NTM: variants seen among roughly 807,000 people sequenced by gnomAD.
The protein encoded by NTM is neurotrimin, also known as IgLON family member 2.
NTM carries 13 observed loss-of-function variants against 42.1 expected under a neutral mutation model. The observed-to-expected ratio is 0.31, with a 90% CI of 0.20 to 0.49. The LOEUF (loss-of-function observed/expected upper bound fraction) is 0.49, where lower values mean the gene tolerates loss of function less well. Ranked by LOEUF, NTM falls within the 20% of genes least tolerant of loss-of-function variation. The probability of loss-of-function intolerance (pLI) is 0.99; values close to 1 mark genes in which losing one functional copy is unlikely to be tolerated. For synonymous variants in NTM, 187 were observed against 179.2 expected (o/e 1.04, Z -0.35); for missense variants, 373 against 452.8 (o/e 0.82, Z 1.60).
Position 131,809,430 on chromosome 11 carries a change from C to T in NTM, c.83-102134C>T, listed in dbSNP as rs183432005. Among the ~76,000 whole-genome samples, 3 of 152,292 alleles carry T rather than the reference C, an allele frequency of 2.0e-5. No individual in the cohort carries two copies. The East Asian group carries it at 5.8e-4, about 29-fold the overall frequency. On this transcript the variant is annotated intron_variant, in intron 1 of 8. Transcript: ENST00000683400. Reference sequence around the variant, plus strand: ...GGGATTTGCTGGCATCAGTCCCTGGCCATGCCTCATGGAGCAGCTGATCAC... The same window carrying T: ...GGGATTTGCTGGCATCAGTCCCTGGTCATGCCTCATGGAGCAGCTGATCAC...
chr11:132,331,267 T>C (rs138154788), intron 8 of NTM, among the ~76,000 whole-genome samples: 38 of 152,354 alleles, frequency 2.5e-4, no homozygotes, highest in Non-Finnish European at 4.9e-4. Context: ...TCTCATCTCC[T>C]ACATGAGTGT....
At chr11:131,537,286 C>A (rs2052412779) in intron 1 of NTM, 1 of 152,188 alleles carries the variant, frequency 6.6e-6, no homozygotes, top group Non-Finnish European at 1.5e-5. Context: ...TTGACAACCC[C>A]TGATAAAGAC....
At chr11:132,025,012 A>G (rs1204220428) in intron 2 of NTM, among the ~76,000 whole-genome samples, 6 of 152,124 alleles carry the variant, frequency 3.9e-5, no homozygotes, top group African/African-American at 1.2e-4. Context: ...AGACCCACAG[A>G]ATGTCTCTCC....
chr11:131,599,175 A>G (rs1466662251), intron 1 of NTM, among the ~76,000 whole-genome samples: 1 of 152,014 alleles, frequency 6.6e-6, no homozygotes, highest in Non-Finnish European at 1.5e-5. Flanking sequence ...TCAGCCTCCC[A>G]AAGTTCTGGG....
chr11:132,213,253 G>GTT (rs1184843678), intron 4 of NTM, among the ~76,000 whole-genome samples: 1 of 152,180 alleles, frequency 6.6e-6, no homozygotes, highest in Non-Finnish European at 1.5e-5. Context: ...CCATGGAAGG[G>GTT]AAAAGTGGGA....
intron 1 of NTM, among the ~76,000 whole-genome samples, chr11:131,598,376 TAAC>T (rs1195159299): frequency 6.6e-6 from 1 of 152,208 alleles, no homozygotes; most frequent in African/African-American, 2.4e-5. Flanking sequence ...CAAAACAAGG[TAAC>T]AACAACAAAT....
intron 3 of NTM, among the ~76,000 whole-genome samples, chr11:132,157,206 A>G (rs1310846205): frequency 6.6e-6 from 1 of 152,228 alleles, no homozygotes; most frequent in African/African-American, 2.4e-5. Flanking sequence ...AAATACACTG[A>G]CCTTCAATGT....
intron 1 of NTM, among the ~76,000 whole-genome samples, chr11:131,502,275 G>C (rs996330304): frequency 5.3e-5 from 8 of 151,840 alleles, no homozygotes; most frequent in African/African-American, 1.9e-4. Flanking sequence ...AAGGAGCCTC[G>C]AGAGAGAGAG....
intron 1 of NTM, among the ~76,000 whole-genome samples, chr11:131,687,633 C>T (rs1268807750): frequency 6.6e-6 from 1 of 152,182 alleles, no homozygotes; most frequent in Non-Finnish European, 1.5e-5. Flanking sequence ...CGCCCAAGTG[C>T]CTCGGGTGGG....
chr11:132,317,863 T>C lies in NTM; in HGVS notation c.934+3160T>C, dbSNP rs528845501. Reference sequence around the variant, plus strand: ...CAGGGAGACTTCAAGCTCCCTTTGCTTTGCTCATCCCTTGCTCTCACTCCC... The same window carrying C: ...CAGGGAGACTTCAAGCTCCCTTTGCCTTGCTCATCCCTTGCTCTCACTCCC... On this transcript the variant is annotated intron_variant, in intron 7 of 8. Transcript: ENST00000683400. Among the ~76,000 whole-genome samples the C allele has an allele frequency of 6.2e-4, 95 of 152,238 alleles. No individual in the cohort carries two copies. In the South Asian group the frequency reaches 0.019, roughly 30 times the overall value.
intron 2 of NTM, among the ~76,000 whole-genome samples, chr11:132,069,532 T>C: frequency 6.8e-6 from 1 of 148,146 alleles, no homozygotes; most frequent in East Asian, 2.0e-4. Flanking sequence ...CACAGGTTAG[T>C]TAACACGTCA....
rs1225554755 is a variant in NTM at position 132,310,138 on chromosome 11, G to A, written c.688G>A (p.Gly230Ser). 14 of 1,608,296 alleles carry A rather than the reference G, an allele frequency of 8.7e-6. No individual in the cohort carries two copies. Among genetic ancestry groups the A allele is most frequent in the Non-Finnish European group, 1.2e-5 (14 of 1,178,032 alleles). Reference sequence around the variant, plus strand: ...TCCACCATACATTTCAGAAGCCAAGGGTACAGGTGTCCCCGTGGGACAAAA... The same window carrying A: ...TCCACCATACATTTCAGAAGCCAAGAGTACAGGTGTCCCCGTGGGACAAAA... ...NYPPYISEAK[G>S]TGVPVGQKGT... The change falls in exon 6 of 9, where the codon GGT becomes AGT. Residue 230 changes from glycine to serine, a missense_variant. Transcript: ENST00000683400.
intron 1 of NTM, among the ~76,000 whole-genome samples, chr11:131,888,839 G>A (rs1432678131): frequency 6.6e-6 from 1 of 152,018 alleles, no homozygotes; most frequent in Non-Finnish European, 1.5e-5. Flanking sequence ...ATGAGATGAA[G>A]ACCTCCTGCA....
At chr11:132,114,871 A>G (rs770868742) in intron 2 of NTM, among the ~76,000 whole-genome samples, 19 of 152,212 alleles carry the variant, frequency 1.2e-4, no homozygotes, top group Non-Finnish European at 2.8e-4. Context: ...GGTTGCTTCC[A>G]TATCTTAGCT....
chr11:132,089,346 G>C (rs979694901), intron 2 of NTM, among the ~76,000 whole-genome samples: 2 of 152,138 alleles, frequency 1.3e-5, no homozygotes, highest in Non-Finnish European at 2.9e-5. Context: ...TCAAAAAAAT[G>C]CTTCAGGATC....
chr11:132,276,702 G>T (rs901868030), intron 4 of NTM, among the ~76,000 whole-genome samples: 3 of 152,180 alleles, frequency 2.0e-5, no homozygotes, highest in South Asian at 4.1e-4. Context: ...ACATGGTGCT[G>T]CATTTTTGTT....
rs537166314 is a variant in NTM at position 132,088,722 on chromosome 11, A to AT, written c.168-57555dup. ...TACAGGGCATGTGCTAAGGGATAGA[A>AT]TTTTTCACCATGGGCATGTTTAGGC... On this transcript the variant is annotated intron_variant, in intron 2 of 8. Coordinates refer to ENST00000683400, the MANE Select transcript of NTM (RefSeq NM_001352005.2). Among the ~76,000 whole-genome samples, 8 of 152,194 alleles carry AT rather than the reference A, an allele frequency of 5.3e-5. No homozygotes were observed. The East Asian group carries it at 1.4e-3, about 26-fold the overall frequency.
At chr11:131,511,776 C>T (rs778477289) in intron 1 of NTM, among the ~76,000 whole-genome samples, 15 of 152,288 alleles carry the variant, frequency 9.8e-5, no homozygotes, top group Middle Eastern at 3.4e-3. Context: ...TAGTTCCATT[C>T]GGACCCCAGA....
intron 1 of NTM, among the ~76,000 whole-genome samples, chr11:131,781,335 A>AT (rs2088078776): frequency 6.6e-6 from 1 of 152,164 alleles, no homozygotes; most frequent in Non-Finnish European, 1.5e-5. Flanking sequence ...ATTTAAGTTC[A>AT]TAAAAACAAA....
Sources: gnomAD v4.1 joint callset for allele counts (sites outside exome capture counted in the v4.1 genomes callset) on GRCh38, gnomAD v4.1.1 for gene constraint, MANE v1.5 for transcripts, NCBI Gene and HGNC (gene_info 2026-07-23, HGNC 2026-07-21) for gene names.